The following DUSP22 variants were observed in gnomAD, a reference collection of about 807,000 sequenced individuals.
DUSP22 encodes dual specificity protein phosphatase 22.
DUSP22 carries 24 observed loss-of-function variants against 24.5 expected under a neutral mutation model. That is an observed-to-expected ratio of 0.98 (90% CI 0.71 to 1.38). DUSP22 has a LOEUF of 1.38. Ranked by LOEUF, DUSP22 falls within the 40% of genes most tolerant of loss-of-function variation. DUSP22 has a pLI of 0.00. For synonymous variants in DUSP22, 160 were observed against 106.4 expected (o/e 1.50, Z -3.10); for missense variants, 330 against 269.2 (o/e 1.23, Z -1.58).
chr6:344,796 G>T (rs1403162489), intron 4 of DUSP22, among the ~76,000 whole-genome samples: 1 of 152,302 alleles, frequency 6.6e-6, no homozygotes, highest in Non-Finnish European at 1.5e-5. Context: ...AAAGTCCCGG[G>T]AGACCAGTTT....
intron 3 of DUSP22, among the ~76,000 whole-genome samples, chr6:314,104 C>T (rs942733061): frequency 2.6e-5 from 4 of 152,302 alleles, no homozygotes; most frequent in Admixed American, 6.5e-5. Flanking sequence ...GCCCTGATCC[C>T]GGGAGAGAAA....
intron 3 of DUSP22, among the ~76,000 whole-genome samples, chr6:314,293 G>A (rs1351853854): frequency 1.3e-5 from 2 of 152,308 alleles, no homozygotes; most frequent in East Asian, 3.8e-4. Flanking sequence ...ATGGCCGCTG[G>A]CTTCTCTGGG....
chr6:327,544 A>G (rs1449542760), intron 3 of DUSP22, among the ~76,000 whole-genome samples: 1 of 152,296 alleles, frequency 6.6e-6, no homozygotes, highest in Admixed American at 6.5e-5. Flanking sequence ...GATGATGACC[A>G]CAGCCGTGGG....
chr6:296,203 T>C lies in DUSP22; in HGVS notation c.21+3643T>C, dbSNP rs1307486719. ...AACTAAAACTTTTTTTTTATTGTTT[T>C]TGTTTGTGTGTGCAATTCCTAGGTA... On this transcript the variant is annotated intron_variant, in intron 1 of 6. Transcript: ENST00000419235. Among the ~76,000 whole-genome samples the C allele has an allele frequency of 3.9e-5, 6 of 152,428 alleles. No individual in the cohort carries two copies. In the East Asian group the frequency reaches 1.2e-3, roughly 29 times the overall value.
rs111627584 is a variant in DUSP22 at position 307,111 on chromosome 6, G to A, written c.55+2450G>A. 8.5e-3 allele frequency among the ~76,000 whole-genome samples: 1,285 copies of A among 152,008 alleles called. 1 individual carries two copies. The highest frequency in any genetic ancestry group is 0.021 in the Middle Eastern group (6 of 292). On this transcript the variant is annotated intron_variant, in intron 2 of 6. Transcript: ENST00000419235. ...AATGTGGCCTCTTTCTTTTTTCCTG[G>A]GCGGTGAATCCAGCTGTCATCTGTG...
chr6:293,001 CTG>C (rs1261696375), intron 1 of DUSP22, among the ~76,000 whole-genome samples: 3 of 152,282 alleles, frequency 2.0e-5, no homozygotes, highest in Non-Finnish European at 4.4e-5. Context: ...TCCTCAGATT[CTG>C]TGTGTGTGCC....
intron 3 of DUSP22, among the ~76,000 whole-genome samples, chr6:333,004 C>T (rs1029275926): frequency 6.6e-6 from 1 of 152,422 alleles, no homozygotes; most frequent in African/African-American, 2.4e-5. Flanking sequence ...AATGTATGTG[C>T]ATCTATACCA....
At chr6:336,037 C>T (rs3800251) in intron 4 of DUSP22, among the ~76,000 whole-genome samples, 315 of 152,320 alleles carry the variant, frequency 2.1e-3, no homozygotes, top group East Asian at 8.5e-3. Flanking sequence ...TCTGGGGACC[C>T]GTGGCAGCTA....
intron 4 of DUSP22, among the ~76,000 whole-genome samples, chr6:344,198 A>C (rs1269915707): frequency 2.7e-5 from 4 of 150,350 alleles, no homozygotes; most frequent in African/African-American, 1.0e-4. Context: ...GGGCTGAATG[A>C]GTGACAAGAG....
intron 3 of DUSP22, among the ~76,000 whole-genome samples, chr6:323,020 A>G (rs890205465): frequency 5.9e-5 from 9 of 152,304 alleles, no homozygotes; most frequent in African/African-American, 1.7e-4. Flanking sequence ...GGTGCTCTGA[A>G]TAATCATTGC....
chr6:338,828 G>A (rs1327676578), intron 4 of DUSP22, among the ~76,000 whole-genome samples: 1 of 152,298 alleles, frequency 6.6e-6, no homozygotes, highest in African/African-American at 2.4e-5. Context: ...CAGGAATTCT[G>A]GCAAGTTATG....
chr6:293,194 G>A (rs146911519), intron 1 of DUSP22, among the ~76,000 whole-genome samples: 3 of 152,400 alleles, frequency 2.0e-5, no homozygotes, highest in East Asian at 3.9e-4. Context: ...GAAAATCTGT[G>A]TTGCTCCATT....
At chr6:322,721 A>C (rs1396065137) in intron 3 of DUSP22, among the ~76,000 whole-genome samples, 2 of 151,892 alleles carry the variant, frequency 1.3e-5, no homozygotes, top group African/African-American at 4.8e-5. Context: ...GGGTCGGGAC[A>C]GCACCGTGTG....
At chr6:332,644 C>CTTTTTTTT in intron 3 of DUSP22, among the ~76,000 whole-genome samples, 1 of 148,066 alleles carries the variant, frequency 6.8e-6, no homozygotes, top group Non-Finnish European at 1.5e-5. Context: ...TCCTGTCCTT[C>CTTTTTTTT]TTTTTTTTTT....
intron 3 of DUSP22, among the ~76,000 whole-genome samples, chr6:316,172 T>A (rs1758328086): frequency 6.6e-6 from 1 of 152,308 alleles, no homozygotes; most frequent in South Asian, 2.1e-4. Context: ...TTAACCAGGC[T>A]GGTTCTCACA....
intron 1 of DUSP22, among the ~76,000 whole-genome samples, chr6:301,401 TG>T (rs1264924369): frequency 9.8e-5 from 15 of 152,304 alleles, no homozygotes; most frequent in Middle Eastern, 3.2e-3. Flanking sequence ...AGAAAGAAGT[TG>T]GGGGAAATCC....
chr6:320,802 G>A (rs368383707), intron 3 of DUSP22, among the ~76,000 whole-genome samples: 545 of 152,130 alleles, frequency 3.6e-3, no homozygotes, highest in African/African-American at 0.012. Context: ...ATAGAGTGGA[G>A]GCGGTGGTCA....
intron 5 of DUSP22, among the ~76,000 whole-genome samples, chr6:346,517 G>C (rs1195314012): frequency 6.6e-6 from 1 of 152,296 alleles, no homozygotes; most frequent in Non-Finnish European, 1.5e-5. Context: ...GAAGCGCTTG[G>C]CAGTGTGCCT....
chr6:350,638 A>G lies in DUSP22; in HGVS notation c.*1687A>G, dbSNP rs1380769592. On this transcript the variant is annotated 3_prime_UTR_variant, in exon 7 of 7. Transcript: ENST00000419235. Reference sequence around the variant, plus strand: ...TAGAATCATCCATCCGTCTACAGCTAAAACAATTTGCCAATAAAGTACATG... The same window carrying G: ...TAGAATCATCCATCCGTCTACAGCTGAAACAATTTGCCAATAAAGTACATG... 2.1e-5 allele frequency: 31 copies of G among 1,482,096 alleles called. No homozygotes were observed. In the African/African-American group the frequency reaches 3.2e-4, roughly 15 times the overall value. 91.8% of individuals were successfully genotyped at this position (1,482,096 alleles called of 1,614,324 possible).
Sources: allele counts gnomAD v4.1 joint callset (sites outside exome capture counted in the v4.1 genomes callset), GRCh38; gene constraint gnomAD v4.1.1; transcripts MANE v1.5; gene names NCBI Gene and HGNC (gene_info 2026-07-23, HGNC 2026-07-21).